SORCS2: variants seen among roughly 807,000 people sequenced by gnomAD.
SORCS2 encodes the protein VPS10 domain-containing receptor SorCS2.
Under a neutral mutation model 141.6 loss-of-function variants are expected in SORCS2, and 100 were observed. The observed-to-expected ratio is 0.71, with a 90% CI of 0.60 to 0.83. The LOEUF is 0.83. Ranked by LOEUF, SORCS2 falls within the 40% of genes least tolerant of loss-of-function variation. The pLI, the probability that SORCS2 is intolerant of heterozygous loss-of-function variation, is 0.00. For synonymous variants in SORCS2, 789 were observed against 676.9 expected (o/e 1.17, Z -2.57); for missense variants, 1,646 against 1,560.2 (o/e 1.05, Z -0.93).
chr4:7,403,991 ATATATATTTTTTT>A (rs1209398776), intron 2 of SORCS2, among the ~76,000 whole-genome samples: 12 of 5,050 alleles, frequency 2.4e-3, no homozygotes, highest in African/African-American at 4.1e-3. Flanking sequence ...ATATATATAT[ATATATATTTTTTT>A]TTTTTTTTTA....
intron 2 of SORCS2, among the ~76,000 whole-genome samples, chr4:7,427,923 C>G (rs1726569128): frequency 6.6e-6 from 1 of 150,750 alleles, no homozygotes; most frequent in African/African-American, 2.4e-5. Context: ...GGGCAGGCAT[C>G]CGAACCATAT....
chr4:7,597,634 A>T (rs1484412510), intron 3 of SORCS2, among the ~76,000 whole-genome samples: 2 of 127,902 alleles, frequency 1.6e-5, no homozygotes, highest in Non-Finnish European at 3.2e-5. Context: ...TGTTAAAGGG[A>T]AGGGGGCTAT....
intron 1 of SORCS2, among the ~76,000 whole-genome samples, chr4:7,262,975 T>C (rs1179794614): frequency 6.6e-6 from 1 of 152,232 alleles, no homozygotes; most frequent in Non-Finnish European, 1.5e-5. Context: ...CTGAGGTCTC[T>C]GCCCAGTTTG....
chr4:7,267,589 G>C (rs1163048298), intron 1 of SORCS2, among the ~76,000 whole-genome samples: 1 of 152,232 alleles, frequency 6.6e-6, no homozygotes, highest in East Asian at 1.9e-4. Context: ...CCAGCACTTT[G>C]GGAGGCTGAG....
chr4:7,507,616 G>A (rs1387816619), intron 2 of SORCS2, among the ~76,000 whole-genome samples: 1 of 152,220 alleles, frequency 6.6e-6, no homozygotes, highest in East Asian at 1.9e-4. Flanking sequence ...AGTAGACGGT[G>A]AATCAGTGGA....
At chr4:7,269,908 C>G (rs1005682978) in intron 1 of SORCS2, among the ~76,000 whole-genome samples, 1 of 152,204 alleles carries the variant, frequency 6.6e-6, no homozygotes, top group African/African-American at 2.4e-5. Context: ...GAGATGGAGT[C>G]TCACTTTGTC....
chr4:7,430,411 G>A (rs34264596), intron 2 of SORCS2: 77,973 of 152,124 alleles, frequency 0.51, 20,528 homozygotes, highest in African/African-American at 0.57. Context: ...CAACAACAAA[G>A]CAGCTGGACC....
intron 2 of SORCS2, among the ~76,000 whole-genome samples, chr4:7,417,294 G>T (rs566895846): frequency 6.6e-6 from 1 of 152,112 alleles, no homozygotes. Context: ...AGATGGCAGC[G>T]CCAGGAAGCC....
intron 1 of SORCS2, among the ~76,000 whole-genome samples, chr4:7,371,593 G>A (rs1221413302): frequency 1.3e-5 from 2 of 152,184 alleles, no homozygotes; most frequent in Admixed American, 6.5e-5. Context: ...TGTCCACAGA[G>A]GAGCCAGCAC....
At chr4:7,316,786 G>A (rs1718589294) in intron 1 of SORCS2, among the ~76,000 whole-genome samples, 1 of 152,160 alleles carries the variant, frequency 6.6e-6, no homozygotes, top group African/African-American at 2.4e-5. Flanking sequence ...AAAAGCACTA[G>A]CCCACACTCC....
chr4:7,648,400 G>A lies in SORCS2; in HGVS notation c.814-5734G>A, dbSNP rs1287229771. Among the ~76,000 whole-genome samples the A allele has an allele frequency of 1.3e-5, 2 of 152,140 alleles. No homozygotes were observed. Among genetic ancestry groups the A allele is most frequent in the Admixed American group, 1.3e-4 (2 of 15,288 alleles). ...GGAGAGGATCCTGGAAGGGGGATGT[G>A]TGGCATGAGCCTCAGAGTAGGCCTG... On this transcript the variant is annotated intron_variant, in intron 4 of 26. Coordinates refer to ENST00000507866, the MANE Select transcript of SORCS2 (RefSeq NM_020777.3). This position sits in a 1 kb window ranked among gnomAD's most constrained non-coding sequence, Gnocchi z 4.2.
intron 3 of SORCS2, among the ~76,000 whole-genome samples, chr4:7,545,230 T>G (rs990254447): frequency 2.0e-5 from 3 of 151,312 alleles, no homozygotes; most frequent in Admixed American, 6.6e-5. Flanking sequence ...AGGAAGGGAC[T>G]CTGGAGTTCC....
At chr4:7,640,120 T>C (rs1720587707) in intron 4 of SORCS2, among the ~76,000 whole-genome samples, 1 of 151,468 alleles carries the variant, frequency 6.6e-6, no homozygotes, top group Admixed American at 6.6e-5. Flanking sequence ...TAAGAAGCTA[T>C]GTTAGCGAGT....
chr4:7,612,597 G>T (rs928253869), intron 3 of SORCS2, among the ~76,000 whole-genome samples: 4 of 152,154 alleles, frequency 2.6e-5, no homozygotes, highest in Non-Finnish European at 5.9e-5. Flanking sequence ...GCTCCCCTGG[G>T]CCCCACGCAG....
chr4:7,718,261 G>A (rs1316070153), intron 18 of SORCS2, 78 bp downstream of exon 18: 1 of 1,513,258 alleles, frequency 6.6e-7, no homozygotes, highest in African/African-American at 1.4e-5. Context: ...AAGGCACGGT[G>A]AGGGTGTCTC....
chr4:7,461,682 C>T (rs567142044), intron 2 of SORCS2, among the ~76,000 whole-genome samples: 25 of 152,320 alleles, frequency 1.6e-4, no homozygotes, highest in Middle Eastern at 6.8e-3. Context: ...GCTCTCTCCC[C>T]GGCCCTTCCA....
intron 1 of SORCS2, among the ~76,000 whole-genome samples, chr4:7,349,811 C>T (rs1720837411): frequency 6.6e-6 from 1 of 152,202 alleles, no homozygotes; most frequent in South Asian, 2.1e-4. Flanking sequence ...TGTTTCTTTA[C>T]AGCTCAGCTG....
intron 4 of SORCS2, among the ~76,000 whole-genome samples, chr4:7,652,626 C>T (rs1472284902): frequency 2.0e-5 from 3 of 152,134 alleles, no homozygotes; most frequent in African/African-American, 7.2e-5. Context: ...CTGCTTACCC[C>T]TCAGAGGACC....
chr4:7,454,808 T>A (rs1376105196), intron 2 of SORCS2, among the ~76,000 whole-genome samples: 1 of 112,602 alleles, frequency 8.9e-6, no homozygotes, highest in Non-Finnish European at 1.7e-5. Context: ...TGTGTTGGGG[T>A]CAGGCACTGT....
Sources: gnomAD v4.1 joint callset for allele counts (sites outside exome capture counted in the v4.1 genomes callset) on GRCh38, gnomAD v4.1.1 for gene constraint, Gnocchi (gnomAD v3.1) non-coding constraint, MANE v1.5 for transcripts, NCBI Gene and HGNC (gene_info 2026-07-23, HGNC 2026-07-21) for gene names.